Variants in RBFOX1 observed in about 807,000 individuals in gnomAD.
RBFOX1 encodes RNA binding protein fox-1 homolog 1.
A neutral mutation model predicts 57.7 loss-of-function variants in RBFOX1; 8 were observed. That is an observed-to-expected ratio of 0.14 (90% CI 0.08 to 0.25). The LOEUF (loss-of-function observed/expected upper bound fraction) is 0.25. RBFOX1 is among the 10% of genes least tolerant of loss of function. The probability of loss-of-function intolerance (pLI) is 1.00; values close to 1 mark genes in which losing one functional copy is unlikely to be tolerated. For missense variants in RBFOX1, 611 were observed against 548.5 expected, an observed-to-expected ratio of 1.11 and a Z score of -1.14; for synonymous variants, 326 against 222.4, an observed-to-expected ratio of 1.47 and a Z score of -4.15.
chr16:6,705,251 G>C (rs1048651037), intron 3 of RBFOX1: 3 of 152,190 alleles, frequency 2.0e-5, no homozygotes, highest in Non-Finnish European at 4.4e-5. Context: ...TGCAACTCCA[G>C]TGAGGTTACT....
intron 3 of RBFOX1, among the ~76,000 whole-genome samples, chr16:5,634,397 G>A (rs1264133384): frequency 1.3e-5 from 2 of 152,144 alleles, no homozygotes; most frequent in Non-Finnish European, 2.9e-5. Context: ...GACAAAAATA[G>A]GGACAATTTA....
intron 1 of RBFOX1, among the ~76,000 whole-genome samples, chr16:6,257,445 C>G (rs1210825199): frequency 2.0e-5 from 3 of 151,508 alleles, no homozygotes; most frequent in African/African-American, 7.3e-5. Flanking sequence ...CTTTTAAGTT[C>G]AGGGGCACAC....
At chr16:6,408,260 G>T (rs1053852958) in intron 2 of RBFOX1, among the ~76,000 whole-genome samples, 4 of 152,124 alleles carry the variant, frequency 2.6e-5, no homozygotes, top group African/African-American at 7.2e-5. Context: ...ATTCTATAAA[G>T]TGCTGTTGTT....
intron 4 of RBFOX1, among the ~76,000 whole-genome samples, chr16:7,499,208 C>G (rs1393013364): frequency 6.6e-6 from 1 of 152,164 alleles, no homozygotes; most frequent in African/African-American, 2.4e-5. Context: ...CTGCCCCATG[C>G]TGCTCTCCTA....
intron 3 of RBFOX1, among the ~76,000 whole-genome samples, chr16:7,015,079 C>G (rs568874233): frequency 6.6e-6 from 1 of 152,150 alleles, no homozygotes; most frequent in Non-Finnish European, 1.5e-5. Context: ...CTTTTTCTTG[C>G]ATTATGGAAT....
intron 4 of RBFOX1, among the ~76,000 whole-genome samples, chr16:7,371,646 A>C (rs1283893201): frequency 6.6e-6 from 1 of 152,134 alleles, no homozygotes. Flanking sequence ...GCTACTCAGG[A>C]TACTGAGGCA....
intron 4 of RBFOX1, among the ~76,000 whole-genome samples, chr16:7,382,723 C>T (rs982763309): frequency 6.6e-6 from 1 of 152,208 alleles, no homozygotes; most frequent in Admixed American, 6.5e-5. Flanking sequence ...TAATACACAT[C>T]CCGCTATTTG....
intron 10 of RBFOX1, among the ~76,000 whole-genome samples, chr16:7,622,520 C>T (rs900269239): frequency 6.6e-6 from 1 of 152,072 alleles, no homozygotes; most frequent in African/African-American, 2.4e-5. Context: ...AATAAATAGT[C>T]AAGGAACAAA....
At chr16:6,897,251 G>A (rs909414062) in intron 3 of RBFOX1, among the ~76,000 whole-genome samples, 12 of 152,206 alleles carry the variant, frequency 7.9e-5, no homozygotes, top group Admixed American at 3.3e-4. Context: ...TGCATTCCCC[G>A]TCTTTACTAA....
At chr16:6,766,368 G>T (rs1039489718) in intron 3 of RBFOX1, among the ~76,000 whole-genome samples, 2 of 151,894 alleles carry the variant, frequency 1.3e-5, no homozygotes, top group African/African-American at 4.8e-5. Context: ...TTGAGCATTT[G>T]TCTGTTTTTT....
intron 1 of RBFOX1, among the ~76,000 whole-genome samples, chr16:6,199,385 G>C (rs2097200904): frequency 6.6e-6 from 1 of 152,154 alleles, no homozygotes. Context: ...CAAATGAGCT[G>C]TGACCATAGT....
chr16:5,480,797 CATAAT>C, intron 2 of RBFOX1, among the ~76,000 whole-genome samples: 1 of 152,320 alleles, frequency 6.6e-6, no homozygotes, highest in African/African-American at 2.4e-5. Context: ...TCAGTGCATG[CATAAT>C]ATGTCACCAA....
chr16:6,606,352 A>C (rs1308411846), intron 2 of RBFOX1, among the ~76,000 whole-genome samples: 1 of 152,084 alleles, frequency 6.6e-6, no homozygotes, highest in Non-Finnish European at 1.5e-5. Flanking sequence ...ATGTCTCAAA[A>C]ATGACTGTAC....
chr16:6,788,683 G>T (rs1011896700), intron 3 of RBFOX1, among the ~76,000 whole-genome samples: 1 of 151,878 alleles, frequency 6.6e-6, no homozygotes, highest in African/African-American at 2.4e-5. Flanking sequence ...CACCGTGTTA[G>T]CCAGGATGGT....
chr16:7,274,234 A>C (rs970615291), intron 4 of RBFOX1, among the ~76,000 whole-genome samples: 1 of 152,212 alleles, frequency 6.6e-6, no homozygotes, highest in African/African-American at 2.4e-5. Flanking sequence ...AGTGCTTACT[A>C]TGTTCCGAGT....
chr16:7,447,523 C>T (rs554165184), intron 4 of RBFOX1, among the ~76,000 whole-genome samples: 26 of 152,010 alleles, frequency 1.7e-4, no homozygotes, highest in Admixed American at 4.6e-4. Flanking sequence ...AACACATTGC[C>T]TGAAGTGATG....
chr16:7,305,462 C>G (rs1286396059), intron 4 of RBFOX1, among the ~76,000 whole-genome samples: 1 of 152,082 alleles, frequency 6.6e-6, no homozygotes, highest in Non-Finnish European at 1.5e-5. Flanking sequence ...TCCTTTCTCC[C>G]TCCCAGGATC....
At chr16:6,811,929 A>G (rs539591937) in intron 3 of RBFOX1, among the ~76,000 whole-genome samples, 37 of 152,130 alleles carry the variant, frequency 2.4e-4, no homozygotes, top group Non-Finnish European at 4.1e-4. Context: ...AAGGCACAGA[A>G]AAAAATACTG....
intron 4 of RBFOX1, among the ~76,000 whole-genome samples, chr16:7,089,551 C>G (rs992383140): frequency 6.6e-6 from 1 of 152,078 alleles, no homozygotes; most frequent in African/African-American, 2.4e-5. Context: ...TTCCTTTAGG[C>G]TGTGGTGAGT....
Sources: gnomAD v4.1 joint callset for allele counts (sites outside exome capture counted in the v4.1 genomes callset) on GRCh38, gnomAD v4.1.1 for gene constraint, MANE v1.5 for transcripts, NCBI Gene and HGNC (gene_info 2026-07-23, HGNC 2026-07-21) for gene names.